Variants in EYA2 observed in about 807,000 individuals in gnomAD.
EYA2 encodes the protein protein phosphatase EYA2.
In EYA2, 31 loss-of-function variants were observed where a neutral mutation model predicts 69.2. That is an observed-to-expected ratio of 0.45 (90% CI 0.34 to 0.60). EYA2 has a LOEUF of 0.60. Among genes scored for constraint, EYA2 ranks in the 20% least tolerant of loss-of-function variants. The probability of loss-of-function intolerance (pLI) is 0.02; values close to 1 mark genes in which losing one functional copy is unlikely to be tolerated. For missense variants in EYA2, 622 were observed against 701.2 expected, an observed-to-expected ratio of 0.89 and a Z score of 1.28; for synonymous variants, 257 against 279.4, an observed-to-expected ratio of 0.92 and a Z score of 0.80.
At chr20:47,105,915 G>A (rs1050509515) in intron 9 of EYA2, among the ~76,000 whole-genome samples, 4 of 152,156 alleles carry the variant, frequency 2.6e-5, no homozygotes, top group African/African-American at 7.2e-5. Context: ...AAAGACAGAT[G>A]GTTGTGTGTG....
At chr20:47,031,037 A>C (rs1984381090) in intron 5 of EYA2, among the ~76,000 whole-genome samples, 1 of 152,214 alleles carries the variant, frequency 6.6e-6, no homozygotes, top group Non-Finnish European at 1.5e-5. Flanking sequence ...GCTTCAACAT[A>C]ACGAATCTGG....
At chr20:47,088,168 A>T (rs1167021988) in intron 7 of EYA2, among the ~76,000 whole-genome samples, 1 of 152,236 alleles carries the variant, frequency 6.6e-6, no homozygotes, top group East Asian at 1.9e-4. Flanking sequence ...CAGGAGGCAG[A>T]GTTTGCAGTG....
At chr20:47,091,202 A>G (rs991392737) in intron 8 of EYA2, among the ~76,000 whole-genome samples, 16 of 152,174 alleles carry the variant, frequency 1.1e-4, no homozygotes, top group African/African-American at 3.9e-4. Context: ...TTTCATTATT[A>G]GGGACCCTCC....
chr20:46,995,990 T>C (rs994705247), intron 2 of EYA2, among the ~76,000 whole-genome samples: 1 of 152,250 alleles, frequency 6.6e-6, no homozygotes, highest in Non-Finnish European at 1.5e-5. Flanking sequence ...ATGGCTGTAT[T>C]GCAGCACAGC....
At chr20:47,034,587 G>A (rs904295733) in intron 5 of EYA2, among the ~76,000 whole-genome samples, 3 of 152,180 alleles carry the variant, frequency 2.0e-5, no homozygotes, top group African/African-American at 7.2e-5. Context: ...GCAATTCAGA[G>A]GCCAGGCTAT....
intron 6 of EYA2, 49 bp from the exon 7 acceptor site, chr20:47,074,109 C>G (rs755098789): frequency 2.0e-6 from 3 of 1,509,360 alleles, no homozygotes; most frequent in Non-Finnish European, 2.7e-6. Context: ...CGGCCCGAGC[C>G]CAGAAAGGCT....
chr20:47,045,365 A>G (rs1156739836), intron 5 of EYA2, among the ~76,000 whole-genome samples: 1 of 152,180 alleles, frequency 6.6e-6, no homozygotes, highest in Non-Finnish European at 1.5e-5. Flanking sequence ...ACTGCCAGCT[A>G]TTTTAAGGCC....
intron 9 of EYA2, among the ~76,000 whole-genome samples, chr20:47,133,779 C>A (rs904123308): frequency 6.6e-6 from 1 of 152,208 alleles, no homozygotes; most frequent in African/African-American, 2.4e-5. Context: ...GAACACATGC[C>A]AAGTGTTGCC....
At chr20:46,980,091 G>C (rs1980732493) in intron 1 of EYA2, among the ~76,000 whole-genome samples, 1 of 152,124 alleles carries the variant, frequency 6.6e-6, no homozygotes, top group Non-Finnish European at 1.5e-5. Flanking sequence ...TTGTGATCCA[G>C]AGCTATTTGC....
At chr20:47,064,641 C>T (rs1178938244) in intron 5 of EYA2, among the ~76,000 whole-genome samples, 2 of 152,212 alleles carry the variant, frequency 1.3e-5, no homozygotes, top group East Asian at 3.8e-4. Context: ...TCCTCACCAA[C>T]ACATTTTTTC....
chr20:46,993,952 T>C lies in EYA2; in HGVS notation c.109+3833T>C, dbSNP rs184979165. The stretch of plus-strand genomic sequence containing the variant: ...TGTGCTCAAAAAACTTTACATATAT[T>C]AATACAAACATATGTACATATGCAT... On this transcript the variant is annotated intron_variant, in intron 2 of 15. Coordinates refer to ENST00000327619, the MANE Select transcript of EYA2 (RefSeq NM_005244.5). Among the ~76,000 whole-genome samples the C allele has an allele frequency of 4.8e-4, 73 of 152,316 alleles. 1 individual carries two copies. The highest frequency in any genetic ancestry group is 1.7e-3 in the African/African-American group (70 of 41,560).
At chr20:47,018,180 T>C (rs979996318) in intron 5 of EYA2, among the ~76,000 whole-genome samples, 3 of 152,222 alleles carry the variant, frequency 2.0e-5, no homozygotes, top group African/African-American at 7.2e-5. Flanking sequence ...GAAACTGGAC[T>C]TACTGCCTCA....
intron 1 of EYA2, among the ~76,000 whole-genome samples, chr20:46,919,833 T>C (rs1341647756): frequency 6.6e-6 from 1 of 152,244 alleles, no homozygotes; most frequent in African/African-American, 2.4e-5. Context: ...CTTAATCGTT[T>C]CTAGCTTTTG....
intron 5 of EYA2, among the ~76,000 whole-genome samples, chr20:47,017,616 C>T (rs1983490309): frequency 6.9e-6 from 1 of 145,196 alleles, no homozygotes; most frequent in East Asian, 2.1e-4. Flanking sequence ...GATAAGCATT[C>T]ATGCCCAGCC....
chr20:46,967,745 C>T (rs571782836), intron 1 of EYA2, among the ~76,000 whole-genome samples: 2 of 152,228 alleles, frequency 1.3e-5, no homozygotes, highest in South Asian at 4.1e-4. Context: ...TCACATGGCT[C>T]CTGGTGCACA....
rs534717827 is a variant in EYA2, at chr20:47,148,093, G to A, written c.978+4945G>A. The stretch of plus-strand genomic sequence containing the variant: ...AAAAAAGAATAAAAAAAAATGGTCC[G>A]GGACACAGAAGGTGCCACATGCAGC... On this transcript the variant is annotated intron_variant, in intron 10 of 15. Transcript: ENST00000327619. Among the ~76,000 whole-genome samples, 7 of 151,822 alleles carry A rather than the reference G, an allele frequency of 4.6e-5. No individual in the cohort carries two copies. The South Asian group carries it at 6.2e-4, about 14-fold the overall frequency.
chr20:47,074,507 C>A (rs145520670), intron 7 of EYA2, among the ~76,000 whole-genome samples, 172 bp downstream of exon 7: 173 of 152,342 alleles, frequency 1.1e-3, no homozygotes, highest in African/African-American at 3.9e-3. Flanking sequence ...CCAGTTGTCA[C>A]AAACAGGCTC....
In EYA2 at chr20:46,925,033, TC is replaced by T. The variant is rs142860122; in HGVS notation, c.-11+30048del. Among the ~76,000 whole-genome samples, 884 of 152,338 alleles carry T rather than the reference TC, an allele frequency of 5.8e-3. 15 individuals are homozygous for T. The highest frequency in any genetic ancestry group is 0.02 in the African/African-American group (821 of 41,576). ...CTCCTCCTGGCTTTGGTGGTGGCCA[TC>T]CGTCCTTGGCATTCTTTGGCTTGTA... On this transcript the variant is annotated intron_variant, in intron 1 of 15. Coordinates refer to ENST00000327619, the MANE Select transcript of EYA2 (RefSeq NM_005244.5).
At chr20:46,926,880 G>C (rs1985438671) in intron 1 of EYA2, among the ~76,000 whole-genome samples, 2 of 152,232 alleles carry the variant, frequency 1.3e-5, no homozygotes, top group Non-Finnish European at 2.9e-5. Flanking sequence ...ACGTTGCTCT[G>C]CATGTCCTGG....
Sources: allele counts gnomAD v4.1 joint callset (sites outside exome capture counted in the v4.1 genomes callset), GRCh38; gene constraint gnomAD v4.1.1; transcripts MANE v1.5; gene names NCBI Gene and HGNC (gene_info 2026-07-23, HGNC 2026-07-21).